PRAMEF4: variants seen among roughly 807,000 people sequenced by gnomAD.
PRAMEF4 encodes the protein PRAME family member 4.
PRAMEF4 carries 18 observed loss-of-function variants against 34.4 expected under a neutral mutation model. The observed-to-expected ratio is 0.52, with a 90% CI of 0.36 to 0.78. The LOEUF (loss-of-function observed/expected upper bound fraction) is 0.78. Among genes scored for constraint, PRAMEF4 ranks in the 30% least tolerant of loss-of-function variants. PRAMEF4 has a pLI of 0.00. For synonymous variants in PRAMEF4, 156 were observed against 219.3 expected, an observed-to-expected ratio of 0.71 and a Z score of 2.55; for missense variants, 482 against 569.1, an observed-to-expected ratio of 0.85 and a Z score of 1.56.
At chr1:12,883,929 CT>C (rs1640944141) in intron 1 of PRAMEF4, among the ~76,000 whole-genome samples, 1 of 141,184 alleles carries the variant, frequency 7.1e-6, no homozygotes, top group African/African-American at 2.6e-5. Flanking sequence ...TTCTTTCTTT[CT>C]TTCCCCCTCT....
rs1239050637 is a variant in PRAMEF4 at position 12,883,046 on chromosome 1, T to C, written c.293+56A>G. 4.4e-6 allele frequency: 7 copies of C among 1,586,694 alleles called. 1 individual carries two copies. The highest frequency in any genetic ancestry group is 6.0e-6 in the Non-Finnish European group (7 of 1,165,174). Reference sequence around the variant, plus strand: ...GCCTCCTCACTTCTCACGACCCAGCTGTTCCTTCAGTTGGACACCTGGGCC... The same window carrying C: ...GCCTCCTCACTTCTCACGACCCAGCCGTTCCTTCAGTTGGACACCTGGGCC... On this transcript the variant is annotated intron_variant, in intron 2 of 3. Coordinates refer to ENST00000235349, the MANE Select transcript of PRAMEF4 (RefSeq NM_001009611.4).
At chr1:12,884,214 G>A (rs201981264) in intron 1 of PRAMEF4, among the ~76,000 whole-genome samples, 1 of 147,336 alleles carries the variant, frequency 6.8e-6, no homozygotes, top group Admixed American at 7.1e-5. Flanking sequence ...AGTGGATTTC[G>A]CTATGTTGTC....
At chr1:12,880,394 G>A (rs1331858971) in intron 3 of PRAMEF4, among the ~76,000 whole-genome samples, 1 of 150,392 alleles carries the variant, frequency 6.6e-6, no homozygotes, top group Non-Finnish European at 1.5e-5. Flanking sequence ...TGCTGAACAT[G>A]GCAAAACCTC....
intron 1 of PRAMEF4, among the ~76,000 whole-genome samples, chr1:12,883,660 T>C (rs1476697960): frequency 8.1e-5 from 12 of 147,896 alleles, no homozygotes; most frequent in Non-Finnish European, 1.6e-4. Flanking sequence ...CTCCATCCAG[T>C]GACTAGTGAG....
chr1:12,883,007 A>G, intron 2 of PRAMEF4, 95 bp downstream of exon 2: 1 of 1,540,316 alleles, frequency 6.5e-7, no homozygotes, highest in South Asian at 1.2e-5. Flanking sequence ...CCTCACCACC[A>G]CCATCCCCCT....
In PRAMEF4 at chr1:12,883,120, T is replaced by C. The variant is rs78206204; in HGVS notation, c.275A>G (p.Asn92Ser). Residue 92 changes from asparagine to serine, a missense_variant, in exon 2 of 4, where the codon AAC (asparagine) becomes AGC (serine). This residue lies in a region of PRAMEF4 where 172 missense variants were observed against 130.2 expected (regional missense o/e 1.32). Coordinates refer to ENST00000235349, the MANE Select transcript of PRAMEF4 (RefSeq NM_001009611.4). Reference protein sequence around the residue: ...AVLDGLDALLNLGVRPRRWKL... With the variant: ...AVLDGLDALLSLGVRPRRWKL... ...ACCTCACCTGGGACGAACCCCTAGG[T>C]TAAGCAGTGCATCCAGCCCATCGAG... 6.2e-7 allele frequency: 1 copy of C among 1,601,254 alleles called. No homozygotes were observed. The highest frequency in any genetic ancestry group is 8.5e-7 in the Non-Finnish European group (1 of 1,174,176).
intron 1 of PRAMEF4, among the ~76,000 whole-genome samples, chr1:12,885,617 C>T (rs1175602888): frequency 6.8e-6 from 1 of 146,064 alleles, no homozygotes; most frequent in African/African-American, 2.6e-5. Context: ...CCCACCTCTA[C>T]TAAAAATACA....
In PRAMEF4 at chr1:12,883,346, G is replaced by C; in HGVS notation, c.49C>G (p.Arg17Gly). The C allele has an allele frequency of 1.2e-6, 2 of 1,600,578 alleles. No homozygotes were observed. The highest frequency in any genetic ancestry group is 1.4e-5 in the African/African-American group (1 of 73,394). The change falls in exon 2 of 4, where the codon CGG becomes GGG. Residue 17 changes from arginine (R) to glycine (G), a missense_variant. Physicochemically the swap from Arg to Gly is moderately radical, Grantham distance 125 (BLOSUM62 -2). Coordinates refer to ENST00000235349, the MANE Select transcript of PRAMEF4 (RefSeq NM_001009611.4). ...AAAGCTTGGTCCCTTAGCAGGCTCC[G>C]CCCTGCAAGCTCCAGGAGTCTGGGT... Reference protein sequence around the residue: ...TPPRLLELAGRSLLRDQALAM... With the variant: ...TPPRLLELAGGSLLRDQALAM...
chr1:12,884,619 G>T lies in PRAMEF4; in HGVS notation c.-16-1209C>A, dbSNP rs961712093. Among the ~76,000 whole-genome samples, 50 of 147,686 alleles carry T rather than the reference G, an allele frequency of 3.4e-4. 2 individuals carry two copies. Among genetic ancestry groups the T allele is most frequent in the Middle Eastern group, 3.5e-3 (1 of 286 alleles). On this transcript the variant is annotated intron_variant, in intron 1 of 3. Transcript: ENST00000235349. ...AGTCCAAGCTACTAGGGAGGCTGAGGTAGGAGGATCACTTGAACCCAGGAG... is the reference window on the plus strand; with the variant it reads ...AGTCCAAGCTACTAGGGAGGCTGAGTTAGGAGGATCACTTGAACCCAGGAG...
chr1:12,884,489 T>C (rs199580434), intron 1 of PRAMEF4, among the ~76,000 whole-genome samples: 2,663 of 141,626 alleles, frequency 0.019, 1 homozygote, highest in East Asian at 0.1. Flanking sequence ...CCGAGGCAGG[T>C]GGATCATCTG....
At position 12,879,676 on chromosome 1, in the gene PRAMEF4, T is replaced by G; in HGVS notation, c.1305A>C (p.Gln435His). The G allele has an allele frequency of 1.2e-6, 2 of 1,602,086 alleles. No individual in the cohort carries two copies. Among genetic ancestry groups the G allele is most frequent in the Non-Finnish European group, 1.7e-6 (2 of 1,175,304 alleles). Reference sequence around the variant, plus strand: ...CTCTGTTCATCAGCTCAGCCCTAATTTGAGCAAATCTGCTCCAGCAGAGAG... The same window carrying G: ...CTCTGTTCATCAGCTCAGCCCTAATGTGAGCAAATCTGCTCCAGCAGAGAG... ...DGTLCWSRFAQIRAELMNRVR... is the reference protein window; with the variant it reads ...DGTLCWSRFAHIRAELMNRVR... The change falls in exon 4 of 4, where the codon CAA becomes CAC. Residue 435 changes from glutamine to histidine, a missense_variant. This residue lies in a region of PRAMEF4 where 116 missense variants were observed against 105.2 expected (regional missense o/e 1.10). Coordinates refer to ENST00000235349, the MANE Select transcript of PRAMEF4 (RefSeq NM_001009611.4).
intron 1 of PRAMEF4, among the ~76,000 whole-genome samples, chr1:12,884,656 A>G (rs796337861): frequency 1.4e-5 from 2 of 147,694 alleles, no homozygotes; most frequent in East Asian, 2.0e-4. Flanking sequence ...CAGAAGTTGC[A>G]GTGAGCTGAC....
intron 1 of PRAMEF4, among the ~76,000 whole-genome samples, chr1:12,884,358 A>G (rs1295039057): frequency 2.0e-5 from 3 of 149,372 alleles, no homozygotes; most frequent in Admixed American, 6.9e-5. Context: ...AAGCTATGTG[A>G]CACTGTTATG....
At position 12,882,750 on chromosome 1, in the gene PRAMEF4, C is replaced by T. The variant is rs923369628; in HGVS notation, c.294-315G>A. 1.4e-5 allele frequency among the ~76,000 whole-genome samples: 2 copies of T among 145,312 alleles called. 1 individual carries two copies. Among genetic ancestry groups the T allele is most frequent in the African/African-American group, 5.2e-5 (2 of 38,400 alleles). The stretch of plus-strand genomic sequence containing the variant: ...GGATTACAGGAGCCCACCACCATGC[C>T]CAGCTAATTTTAGTATTTTTAGTAG... On this transcript the variant is annotated intron_variant, in intron 2 of 3. Transcript: ENST00000235349.
At chr1:12,881,422 G>A (rs906742419) in intron 3 of PRAMEF4, among the ~76,000 whole-genome samples, 1 of 149,064 alleles carries the variant, frequency 6.7e-6, no homozygotes, top group Admixed American at 6.9e-5. Context: ...TTCTGACAGG[G>A]GTCTTGGTAT....
At chr1:12,881,663 C>T (rs1640891537) in intron 3 of PRAMEF4, among the ~76,000 whole-genome samples, 191 bp downstream of exon 3, 1 of 143,070 alleles carries the variant, frequency 7.0e-6, no homozygotes, top group Admixed American at 7.2e-5. Flanking sequence ...CTAGCTGATC[C>T]CTCTGCCTCT....
intron 1 of PRAMEF4, among the ~76,000 whole-genome samples, chr1:12,885,843 T>A (rs1445173384): frequency 2.1e-5 from 3 of 140,304 alleles, no homozygotes; most frequent in Non-Finnish European, 4.6e-5. Flanking sequence ...TCCAGGTTGG[T>A]CTCAAATCCC....
At chr1:12,884,996 G>T (rs1307489142) in intron 1 of PRAMEF4, among the ~76,000 whole-genome samples, 2 of 150,528 alleles carry the variant, frequency 1.3e-5, no homozygotes, top group Admixed American at 6.8e-5. Flanking sequence ...AAGTATCTTT[G>T]TTGAGGGATC....
chr1:12,884,835 A>G (rs1467914984), intron 1 of PRAMEF4, among the ~76,000 whole-genome samples: 1 of 150,218 alleles, frequency 6.7e-6, no homozygotes, highest in Admixed American at 6.8e-5. Flanking sequence ...AAAATGAAAG[A>G]TTTAGGGATA....
Sources: allele counts gnomAD v4.1 joint callset (sites outside exome capture counted in the v4.1 genomes callset), GRCh38; gene constraint gnomAD v4.1.1; regional missense constraint gnomAD v4.1.1; transcripts MANE v1.5; gene names NCBI Gene and HGNC (gene_info 2026-07-23, HGNC 2026-07-21).